Variants in RBM20 observed in about 807,000 individuals in gnomAD.
RBM20 encodes the protein RNA-binding protein 20.
Under a neutral mutation model 110.1 loss-of-function variants are expected in RBM20, and 51 were observed. The observed-to-expected ratio is 0.46, with a 90% CI of 0.37 to 0.59. The LOEUF (loss-of-function observed/expected upper bound fraction) is 0.59, where lower values mean the gene tolerates loss of function less well. Among genes scored for constraint, RBM20 ranks in the 20% least tolerant of loss-of-function variants. RBM20 has a pLI of 0.00. For missense variants in RBM20, 1,512 were observed against 1,574.9 expected (o/e 0.96, Z 0.68); for synonymous variants, 589 against 618.2 (o/e 0.95, Z 0.70).
At chr10:110,720,382 C>T (rs1262673988) in intron 1 of RBM20, among the ~76,000 whole-genome samples, 2 of 152,188 alleles carry the variant, frequency 1.3e-5, no homozygotes, top group East Asian at 1.9e-4. Context: ...CACCTTTGCT[C>T]TCCTGGAAAG....
intron 1 of RBM20, among the ~76,000 whole-genome samples, chr10:110,693,848 G>A (rs1590621279): frequency 6.6e-6 from 1 of 152,168 alleles, no homozygotes; most frequent in African/African-American, 2.4e-5. Flanking sequence ...GGGCCTCTGT[G>A]GAGTTTTTGG....
intron 9 of RBM20, among the ~76,000 whole-genome samples, chr10:110,813,835 CAAAAAAAAAAAAA>C (rs57225247): frequency 8.0e-6 from 1 of 125,076 alleles, no homozygotes. Context: ...AACTCTATTT[CAAAAAAAAAAAAA>C]AAAAAAAAAA....
Position 110,767,773 on chromosome 10 carries a change from C to T in RBM20, c.192-13028C>T, listed in dbSNP as rs376310236. The stretch of plus-strand genomic sequence containing the variant: ...GCTCCTCACTTCCTAGATGGGATGG[C>T]AGCCGAGAAGAGGCGCTCCTCACTT... On this transcript the variant is annotated intron_variant, in intron 1 of 13. Transcript: ENST00000369519. Among the ~76,000 whole-genome samples, 498 of 152,186 alleles carry T rather than the reference C, an allele frequency of 3.3e-3. 10 individuals carry two copies. In the East Asian group the frequency reaches 0.052, roughly 16 times the overall value.
intron 1 of RBM20, among the ~76,000 whole-genome samples, chr10:110,753,852 T>A (rs1369741106): frequency 6.6e-6 from 1 of 152,184 alleles, no homozygotes; most frequent in Non-Finnish European, 1.5e-5. Flanking sequence ...GGCCCCCTTC[T>A]CCATCCTCAA....
At chr10:110,765,112 G>A (rs1393605643) in intron 1 of RBM20, among the ~76,000 whole-genome samples, 2 of 152,088 alleles carry the variant, frequency 1.3e-5, no homozygotes, top group East Asian at 3.9e-4. Flanking sequence ...CTCTTTTTAC[G>A]CTGGTTACTA....
chr10:110,700,463 G>A (rs1044469227), intron 1 of RBM20, among the ~76,000 whole-genome samples: 1 of 152,146 alleles, frequency 6.6e-6, no homozygotes, highest in Non-Finnish European at 1.5e-5. Context: ...GCTGCCAACA[G>A]GAACCCCAAC....
At position 110,781,044 on chromosome 10, in the gene RBM20, C is replaced by T. The variant is rs1289290753; in HGVS notation, c.435C>T (p.Gly145=). The T allele has an allele frequency of 7.7e-6, 12 of 1,551,922 alleles. No individual in the cohort carries two copies. Among genetic ancestry groups the T allele is most frequent in the Admixed American group, 2.0e-5 (1 of 51,010 alleles). Residue 145 remains glycine, a synonymous_variant, in exon 2 of 14, where the codon GGC becomes GGT. Coordinates refer to ENST00000369519, the MANE Select transcript of RBM20 (RefSeq NM_001134363.3). ...TGAGGCATCCGTCTGTGATCACTGG[C>T]CCCCACGGCCATGCTGGGGTTCCCC... ...NQLRHPSVIT[G]PHGHAGVPQH...
At chr10:110,675,471 C>T (rs1862326442) in intron 1 of RBM20, among the ~76,000 whole-genome samples, 1 of 152,168 alleles carries the variant, frequency 6.6e-6, no homozygotes, top group East Asian at 1.9e-4. Flanking sequence ...CCCAAACAAC[C>T]TTATGGAACA....
At chr10:110,721,935 G>C (rs1212444417) in intron 1 of RBM20, among the ~76,000 whole-genome samples, 2 of 152,012 alleles carry the variant, frequency 1.3e-5, no homozygotes, top group East Asian at 3.9e-4. Context: ...GGGGTGTCAG[G>C]GGCAGAGATT....
At chr10:110,732,169 T>C (rs58328701) in intron 1 of RBM20, among the ~76,000 whole-genome samples, 2,294 of 152,284 alleles carry the variant, frequency 0.015, 42 homozygotes, top group African/African-American at 0.047. Flanking sequence ...CATCCTTCAA[T>C]ATTCCCATGT....
At chr10:110,793,104 A>G (rs1422660323) in intron 5 of RBM20, among the ~76,000 whole-genome samples, 2 of 152,206 alleles carry the variant, frequency 1.3e-5, no homozygotes, top group Non-Finnish European at 2.9e-5. Flanking sequence ...CTTTAGACCT[A>G]TAGGTCATCT....
intron 5 of RBM20, among the ~76,000 whole-genome samples, chr10:110,790,305 C>T (rs564172419): frequency 7.2e-5 from 11 of 152,296 alleles, no homozygotes; most frequent in East Asian, 1.9e-4. Context: ...TACTACCAGC[C>T]GCCTCCCCAC....
chr10:110,828,137 G>A (rs1335827847), intron 12 of RBM20, among the ~76,000 whole-genome samples: 1 of 152,208 alleles, frequency 6.6e-6, no homozygotes, highest in Non-Finnish European at 1.5e-5. Context: ...AGCTTTACTA[G>A]GATGACAGAG....
chr10:110,745,731 G>A (rs113359743), intron 1 of RBM20, among the ~76,000 whole-genome samples: 1 of 152,238 alleles, frequency 6.6e-6, no homozygotes, highest in African/African-American at 2.4e-5. Context: ...AACATGCTTG[G>A]TGTTTGATGA....
chr10:110,748,912 T>C (rs1843818887), intron 1 of RBM20, among the ~76,000 whole-genome samples: 1 of 152,236 alleles, frequency 6.6e-6, no homozygotes, highest in Non-Finnish European at 1.5e-5. Flanking sequence ...TTCGTCTTTA[T>C]GGACTTGCCT....
intron 1 of RBM20, among the ~76,000 whole-genome samples, chr10:110,683,275 G>T (rs138325840): frequency 4.6e-5 from 7 of 152,310 alleles, no homozygotes; most frequent in Non-Finnish European, 8.8e-5. Flanking sequence ...CTTGTTAATG[G>T]CAGAAGGCAG....
intron 1 of RBM20, among the ~76,000 whole-genome samples, chr10:110,753,492 CCAT>C (rs1843885425): frequency 1.3e-5 from 2 of 152,196 alleles, no homozygotes; most frequent in Admixed American, 6.5e-5. Context: ...TTCCAGTCTT[CCAT>C]CTGGGATCAC....
chr10:110,667,486 A>G (rs1408706984), intron 1 of RBM20, among the ~76,000 whole-genome samples: 1 of 152,018 alleles, frequency 6.6e-6, no homozygotes, highest in Non-Finnish European at 1.5e-5. Flanking sequence ...TCGGTGGGTG[A>G]ATGAAAGGTA....
rs567612782 is a variant in RBM20, at chr10:110,839,248, G to A, written c.*3270G>A. 2.6e-5 allele frequency: 4 copies of A among 152,268 alleles called. No homozygotes were observed. The highest frequency in any genetic ancestry group is 1.9e-4 in the East Asian group (1 of 5,182). The allele number at this position is 152,268 out of a possible 1,614,324, so 9.4% of individuals were successfully genotyped here. A position where few individuals can be genotyped will look rare whatever the true frequency, so the allele number is the denominator to read the frequency against. On this transcript the variant is annotated 3_prime_UTR_variant, in exon 14 of 14. Transcript: ENST00000369519. The stretch of plus-strand genomic sequence containing the variant: ...CTTGGACAGTCCGAGGCTGTGACCT[G>A]TTAGATAATTAGATTATACTTGAAC...
Sources: gnomAD v4.1 joint callset for allele counts (sites outside exome capture counted in the v4.1 genomes callset) on GRCh38, gnomAD v4.1.1 for gene constraint, MANE v1.5 for transcripts, NCBI Gene and HGNC (gene_info 2026-07-23, HGNC 2026-07-21) for gene names.